The following GMPR variants were observed in gnomAD, a reference collection of about 807,000 sequenced individuals.
GMPR encodes the protein GMP reductase 1.
In GMPR, 31 loss-of-function variants were observed where a neutral mutation model predicts 38.4. The observed-to-expected ratio is 0.81, with a 90% CI of 0.61 to 1.09. GMPR has a LOEUF of 1.09. Ranked by LOEUF, GMPR falls within the 50% of genes least tolerant of loss-of-function variation. GMPR has a pLI of 0.00. For missense variants in GMPR, 468 were observed against 453.7 expected, an observed-to-expected ratio of 1.03 and a Z score of -0.29; for synonymous variants, 162 against 173.3, an observed-to-expected ratio of 0.93 and a Z score of 0.51.
At chr6:16,259,327 G>A (rs1759037203) in intron 4 of GMPR, 1 of 151,930 alleles carries the variant, frequency 6.6e-6, no homozygotes, top group African/African-American at 2.4e-5. Flanking sequence ...CACTTCTTTT[G>A]TGGTAGAATG....
chr6:16,285,716 A>G, intron 6 of GMPR, 77 bp from the exon 7 acceptor site: 1 of 1,196,676 alleles, frequency 8.4e-7, no homozygotes, highest in Non-Finnish European at 1.2e-6. Context: ...CCCAGTCACT[A>G]GGTCATCTGG....
intron 2 of GMPR, among the ~76,000 whole-genome samples, chr6:16,248,692 A>C (rs1272163399): frequency 6.6e-6 from 1 of 152,220 alleles, no homozygotes; most frequent in East Asian, 1.9e-4. Flanking sequence ...CCAGAGGCTA[A>C]TAAATTAATT....
At chr6:16,249,926 G>A (rs1411940779) in intron 2 of GMPR, among the ~76,000 whole-genome samples, 1 of 152,180 alleles carries the variant, frequency 6.6e-6, no homozygotes, top group Non-Finnish European at 1.5e-5. Context: ...CCTGCTGCCT[G>A]GTTTTCTCTT....
intron 4 of GMPR, among the ~76,000 whole-genome samples, chr6:16,263,765 A>T (rs1759134674): frequency 7.2e-6 from 1 of 139,578 alleles, no homozygotes; most frequent in Non-Finnish European, 1.6e-5. Context: ...AGGGCACAGA[A>T]ATAAGGGATT....
intron 1 of GMPR, among the ~76,000 whole-genome samples, chr6:16,243,963 G>A (rs757742163): frequency 1.3e-5 from 2 of 152,224 alleles, no homozygotes; most frequent in Non-Finnish European, 2.9e-5. Context: ...AGCTTTGTGT[G>A]CTGACTGAAG....
intron 4 of GMPR, among the ~76,000 whole-genome samples, chr6:16,268,920 T>C (rs1004191360): frequency 1.3e-5 from 2 of 150,816 alleles, no homozygotes; most frequent in African/African-American, 2.4e-5. Flanking sequence ...ATTAAAAATT[T>C]TAAATAAATT....
intron 4 of GMPR, among the ~76,000 whole-genome samples, chr6:16,272,566 C>A (rs1288052280): frequency 1.3e-5 from 2 of 152,222 alleles, no homozygotes; most frequent in Non-Finnish European, 2.9e-5. Flanking sequence ...AGTAGTACCT[C>A]ATTGGTACCT....
At chr6:16,264,038 C>T (rs941841674) in intron 4 of GMPR, among the ~76,000 whole-genome samples, 6 of 151,878 alleles carry the variant, frequency 4.0e-5, no homozygotes, top group Admixed American at 1.3e-4. Flanking sequence ...CAGGACTTGC[C>T]GCTAAGGGTG....
At chr6:16,244,257 G>A (rs2113667237) in intron 1 of GMPR, among the ~76,000 whole-genome samples, 1 of 147,518 alleles carries the variant, frequency 6.8e-6, no homozygotes, top group Admixed American at 6.9e-5. Flanking sequence ...TTGTCACTCA[G>A]GCTGGCATGC....
intron 1 of GMPR, among the ~76,000 whole-genome samples, chr6:16,246,313 A>G (rs558713198): frequency 6.6e-6 from 1 of 152,342 alleles, no homozygotes; most frequent in East Asian, 1.9e-4. Context: ...GTTGATATGC[A>G]GGAACATATG....
chr6:16,243,843 C>T (rs1412789321), intron 1 of GMPR, among the ~76,000 whole-genome samples: 5 of 152,200 alleles, frequency 3.3e-5, no homozygotes, highest in Non-Finnish European at 5.9e-5. Flanking sequence ...CTGCATGGGC[C>T]TCTTGCCCTG....
chr6:16,266,470 C>T (rs1450602744), intron 4 of GMPR, among the ~76,000 whole-genome samples: 3 of 95,424 alleles, frequency 3.1e-5, no homozygotes, highest in Non-Finnish European at 5.6e-5. Context: ...TGTAACACTT[C>T]CTGTGGAAAA....
chr6:16,262,178 C>G (rs1301698484), intron 4 of GMPR: 1 of 151,792 alleles, frequency 6.6e-6, no homozygotes, highest in South Asian at 2.1e-4. Context: ...CAGACTTACC[C>G]TCCACTGTGA....
chr6:16,268,436 A>G (rs1759312619), intron 4 of GMPR, among the ~76,000 whole-genome samples: 1 of 152,086 alleles, frequency 6.6e-6, no homozygotes, highest in Non-Finnish European at 1.5e-5. Context: ...TGAGTAGCAC[A>G]CCTGGTTAAT....
intron 2 of GMPR, among the ~76,000 whole-genome samples, chr6:16,248,765 G>A (rs1758808240): frequency 6.6e-6 from 1 of 152,154 alleles, no homozygotes; most frequent in African/African-American, 2.4e-5. Context: ...ATCAGCCATT[G>A]CTACTAATGA....
chr6:16,259,997 G>A (rs1437651207), intron 4 of GMPR, among the ~76,000 whole-genome samples: 3 of 93,602 alleles, frequency 3.2e-5, no homozygotes, highest in Non-Finnish European at 7.1e-5. Flanking sequence ...GGGATGACAA[G>A]TTTTTTTGGG....
chr6:16,269,367 T>C (rs1038534044), intron 4 of GMPR, among the ~76,000 whole-genome samples: 3 of 152,222 alleles, frequency 2.0e-5, no homozygotes, highest in Non-Finnish European at 4.4e-5. Context: ...GCCATAGATG[T>C]TGAGGCCTAA....
At chr6:16,285,154 G>A (rs948717501) in intron 6 of GMPR, among the ~76,000 whole-genome samples, 2 of 151,254 alleles carry the variant, frequency 1.3e-5, no homozygotes, top group Non-Finnish European at 2.9e-5. Context: ...GGCAGCCCAA[G>A]ATAACAGACT....
chr6:16,295,348 C>T lies in GMPR; in HGVS notation c.*162C>T, dbSNP rs1351850227. The T allele has an allele frequency of 7.7e-6, 4 of 518,172 alleles. No individual in the cohort carries two copies. The highest frequency in any genetic ancestry group is 4.1e-5 in the Admixed American group (1 of 24,208). The allele number at this position is 518,172 out of a possible 1,614,324, so 32.1% of individuals were successfully genotyped here. ...CTGCCTGGAGGCTTCGGGGCTCTCCCGCCTGCCTTCTCGGGGCCCAGACGC... is the reference window on the plus strand; with the variant it reads ...CTGCCTGGAGGCTTCGGGGCTCTCCTGCCTGCCTTCTCGGGGCCCAGACGC... On this transcript the variant is annotated 3_prime_UTR_variant, in exon 9 of 9. Transcript: ENST00000259727.
Sources: gnomAD v4.1 joint callset for allele counts (sites outside exome capture counted in the v4.1 genomes callset) on GRCh38, gnomAD v4.1.1 for gene constraint, MANE v1.5 for transcripts, NCBI Gene and HGNC (gene_info 2026-07-23, HGNC 2026-07-21) for gene names.